RPN2: variants seen among roughly 807,000 people sequenced by gnomAD.
RPN2 encodes the protein dolichyl-diphosphooligosaccharide--protein glycosyltransferase subunit 2.
RPN2 carries 29 observed loss-of-function variants against 71.4 expected under a neutral mutation model. That is an observed-to-expected ratio of 0.41 (90% CI 0.30 to 0.55). The LOEUF is 0.55. Among genes scored for constraint, RPN2 ranks in the 20% least tolerant of loss-of-function variants. The pLI is 0.35. For synonymous variants in RPN2, 308 were observed against 305.0 expected (o/e 1.01, Z -0.10); for missense variants, 726 against 774.1 (o/e 0.94, Z 0.74).
chr20:37,201,173 A>T (rs1483207246), intron 4 of RPN2, among the ~76,000 whole-genome samples: 2 of 150,330 alleles, frequency 1.3e-5, no homozygotes, highest in Admixed American at 1.3e-4. Context: ...TAGGAAACGG[A>T]GTTCCTTTTC....
chr20:37,225,741 A>G lies in RPN2; in HGVS notation c.1238A>G (p.Asn413Ser). The G allele has an allele frequency of 6.2e-7, 1 of 1,614,168 alleles. No homozygotes were observed. Among genetic ancestry groups the G allele is most frequent in the Non-Finnish European group, 8.5e-7 (1 of 1,180,010 alleles). ...ACATTCATCGCAGACAGCCACCAGA[A>G]CTTCGCCTTGTTCTTCCAGCTGGTA... ...KGTFIADSHQ[N>S]FALFFQLVDV... The change falls in exon 11 of 17, where the codon AAC becomes AGC. Residue 413 changes from asparagine to serine, a missense_variant. By Grantham distance (46) the Asn-to-Ser change is conservative. Coordinates refer to ENST00000237530, the MANE Select transcript of RPN2 (RefSeq NM_002951.5).
chr20:37,210,438 AAT>A (rs2067630817), intron 8 of RPN2, among the ~76,000 whole-genome samples: 1 of 152,160 alleles, frequency 6.6e-6, no homozygotes, highest in Non-Finnish European at 1.5e-5. Context: ...GATAAATAAT[AAT>A]GTTTATTATA....
At chr20:37,236,107 G>GTGGGTGTGTGTA (rs1445539460) in intron 15 of RPN2, among the ~76,000 whole-genome samples, 4 of 151,914 alleles carry the variant, frequency 2.6e-5, no homozygotes, top group African/African-American at 9.7e-5. Flanking sequence ...GGGTGTGTGT[G>GTGGGTGTGTGTA]TGTTTTGAGA....
Position 37,223,915 on chromosome 20 carries a change from A to T in RPN2, c.1130A>T (p.Asn377Ile), listed in dbSNP as rs1407008458. 1 of 1,614,138 alleles carries T rather than the reference A, an allele frequency of 6.2e-7. No homozygotes were observed. Residue 377 changes from asparagine to isoleucine, a missense_variant, in exon 10 of 17, where the codon AAT becomes ATT. Coordinates refer to ENST00000237530, the MANE Select transcript of RPN2 (RefSeq NM_002951.5). ...VKISTEVGIT[N>I]VDLSTVDKDQ... Reference sequence around the variant, plus strand: ...ATCTCCACTGAAGTTGGCATCACAAATGTTGATCTTTCCACCGTGGATAAG... The same window carrying T: ...ATCTCCACTGAAGTTGGCATCACAATTGTTGATCTTTCCACCGTGGATAAG...
At chr20:37,229,697 G>A (rs975018180) in intron 12 of RPN2, among the ~76,000 whole-genome samples, 1 of 152,174 alleles carries the variant, frequency 6.6e-6, no homozygotes, top group Non-Finnish European at 1.5e-5. Context: ...GTAACAGCCT[G>A]TGTACCAGCT....
At chr20:37,234,306 G>A (rs1207428861) in intron 15 of RPN2, among the ~76,000 whole-genome samples, 1 of 152,212 alleles carries the variant, frequency 6.6e-6, no homozygotes, top group Non-Finnish European at 1.5e-5. Context: ...ATTGGGCTTT[G>A]TTGTACTGTG....
intron 12 of RPN2, among the ~76,000 whole-genome samples, chr20:37,229,106 G>A (rs367819260): frequency 2.0e-4 from 31 of 152,218 alleles, no homozygotes; most frequent in African/African-American, 6.8e-4. Context: ...ATATGGCATA[G>A]CTCATGGGAG....
chr20:37,198,069 C>T (rs1357136325), intron 2 of RPN2, among the ~76,000 whole-genome samples: 5 of 152,200 alleles, frequency 3.3e-5, no homozygotes, highest in Non-Finnish European at 5.9e-5. Context: ...TAGTGATAAT[C>T]TCTACCAAAG....
intron 16 of RPN2, chr20:37,238,331 C>A (rs1015180396): frequency 1.6e-6 from 2 of 1,225,892 alleles, no homozygotes; most frequent in South Asian, 2.6e-5. Flanking sequence ...GGGTGTTTGT[C>A]ATTTCTTTCC....
chr20:37,206,862 C>T (rs975450048), intron 6 of RPN2, among the ~76,000 whole-genome samples: 8 of 152,020 alleles, frequency 5.3e-5, no homozygotes, highest in Non-Finnish European at 7.3e-5. Context: ...GCGCATGCCA[C>T]CATGCCTGAC....
At chr20:37,238,599 C>T in intron 16 of RPN2, 1 of 733,028 alleles carries the variant, frequency 1.4e-6, no homozygotes, top group Non-Finnish European at 2.5e-6. Flanking sequence ...TGCTTTTCAA[C>T]TTGCTAGATG....
chr20:37,185,183 A>T (rs1376755457), intron 2 of RPN2, among the ~76,000 whole-genome samples: 1 of 146,764 alleles, frequency 6.8e-6, no homozygotes, highest in Non-Finnish European at 1.5e-5. Flanking sequence ...TGGCTCACCC[A>T]GGCTAGAGTG....
At chr20:37,229,084 C>G (rs2068163149) in intron 12 of RPN2, among the ~76,000 whole-genome samples, 1 of 152,190 alleles carries the variant, frequency 6.6e-6, no homozygotes, top group Non-Finnish European at 1.5e-5. Flanking sequence ...AGTTAAGGCC[C>G]TGGCCTTTGA....
chr20:37,218,487 C>A (rs561391668), intron 9 of RPN2, among the ~76,000 whole-genome samples: 2 of 151,796 alleles, frequency 1.3e-5, no homozygotes, highest in South Asian at 4.2e-4. Context: ...GTAGGTGGAT[C>A]GCCTGAGATC....
At position 37,199,211 on chromosome 20, in the gene RPN2, G is replaced by A. The variant is rs759814470; in HGVS notation, c.465G>A (p.Glu155=). ...CCCTTACTGCTCGTCTCAGCAAGGA[G>A]GAGACTGTGCTGGCGTGAGTTGTCA... is the stretch of plus-strand genomic sequence containing the variant. ...LSALTARLSK[E]ETVLATVQAL... Residue 155 remains glutamate, a synonymous_variant, in exon 4 of 17, where the codon GAG becomes GAA. Transcript: ENST00000237530. 6.2e-7 allele frequency: 1 copy of A among 1,613,992 alleles called. No individual in the cohort carries two copies. The highest frequency in any genetic ancestry group is 1.7e-5 in the Admixed American group (1 of 60,016).
chr20:37,215,283 C>T (rs1347853472), intron 9 of RPN2, among the ~76,000 whole-genome samples: 1 of 152,138 alleles, frequency 6.6e-6, no homozygotes, highest in Non-Finnish European at 1.5e-5. Flanking sequence ...CATTACTTCC[C>T]ATAGGTAGAT....
Position 37,220,228 on chromosome 20 carries a change from G to A in RPN2, c.1093-3650G>A, listed in dbSNP as rs1247777618. The stretch of plus-strand genomic sequence containing the variant: ...GTGAGTGTGAGAGAGAGAGAGAGTC[G>A]GCTTTGACCTTTGCCGTATATGCAA... On this transcript the variant is annotated intron_variant, in intron 9 of 16. Coordinates refer to ENST00000237530, the MANE Select transcript of RPN2 (RefSeq NM_002951.5). Among the ~76,000 whole-genome samples the A allele has an allele frequency of 2.0e-5, 3 of 151,618 alleles. No homozygotes were observed. In the East Asian group the frequency reaches 5.8e-4, roughly 29 times the overall value.
At chr20:37,240,339 A>T (rs1006992023) in intron 16 of RPN2, among the ~76,000 whole-genome samples, 1 of 152,184 alleles carries the variant, frequency 6.6e-6, no homozygotes, top group East Asian at 1.9e-4. Context: ...GAATGCCCAC[A>T]TATTAGTGTA....
chr20:37,228,529 T>G (rs1222429885), intron 11 of RPN2, 21 bp from the exon 12 acceptor site: 1 of 1,600,592 alleles, frequency 6.2e-7, no homozygotes, highest in Non-Finnish European at 8.6e-7. Flanking sequence ...AGATGAAAGA[T>G]TGTATTATTC....
Sources: allele counts gnomAD v4.1 joint callset (sites outside exome capture counted in the v4.1 genomes callset), GRCh38; gene constraint gnomAD v4.1.1; transcripts MANE v1.5; gene names NCBI Gene and HGNC (gene_info 2026-07-23, HGNC 2026-07-21).